Variants in RAB11FIP5 observed in about 807,000 individuals in gnomAD.
RAB11FIP5 encodes RAB11 family interacting protein 5.
In RAB11FIP5, 48 loss-of-function variants were observed where a neutral mutation model predicts 85.1. That is an observed-to-expected ratio of 0.56 (90% CI 0.45 to 0.72). RAB11FIP5 has a LOEUF of 0.72. Ranked by LOEUF, RAB11FIP5 falls within the 30% of genes least tolerant of loss-of-function variation. RAB11FIP5 has a pLI of 0.00. For missense variants in RAB11FIP5, 1,491 were observed against 1,687.0 expected, an observed-to-expected ratio of 0.88 and a Z score of 2.04; for synonymous variants, 729 against 727.3, an observed-to-expected ratio of 1.00 and a Z score of -0.04.
intron 1 of RAB11FIP5, among the ~76,000 whole-genome samples, chr2:73,093,777 G>A (rs1016859175): frequency 6.6e-6 from 1 of 152,184 alleles, no homozygotes; most frequent in African/African-American, 2.4e-5. Context: ...AATCCCTGAC[G>A]CCGATCGCTC....
In RAB11FIP5 at chr2:73,088,954, A is replaced by G. The variant is rs775637400; in HGVS notation, c.793T>C (p.Leu265=). ...TCGGCGCCAGGTCCCTGGTAGGCCA[A>G]GCTCCCGCTGGCTGAGGACAGGGTG... ...DSTLSSASGS[L]AYQGPGAELL... is the part of the protein sequence containing the mutation. The change falls in exon 2 of 6, where the codon TTG becomes CTG. Residue 265 remains leucine, a synonymous_variant. Coordinates refer to ENST00000486777, the MANE Select transcript of RAB11FIP5 (RefSeq NM_001371272.1). 1.2e-6 allele frequency: 2 copies of G among 1,612,826 alleles called. No homozygotes were observed. The highest frequency in any genetic ancestry group is 1.1e-5 in the South Asian group (1 of 90,964).
At chr2:73,091,679 T>C (rs1258821930) in intron 1 of RAB11FIP5, among the ~76,000 whole-genome samples, 2 of 152,200 alleles carry the variant, frequency 1.3e-5, no homozygotes, top group African/African-American at 4.8e-5. Flanking sequence ...ATTTTGATTA[T>C]TTTTTAATGT....
Position 73,086,547 on chromosome 2 carries a change from G to A in RAB11FIP5, c.1568+1503C>T, listed in dbSNP as rs1684092615. ...CAGAAAAGGCCCAGAGACACCGTACGCACAACCACACTGAGCCTGTGCTCT... is the reference window on the plus strand; with the variant it reads ...CAGAAAAGGCCCAGAGACACCGTACACACAACCACACTGAGCCTGTGCTCT... On this transcript the variant is annotated intron_variant, in intron 3 of 5. Transcript: ENST00000486777. The surrounding 1 kb of genome is among the most constrained non-coding windows in gnomAD (Gnocchi z 4.4). 6.6e-6 allele frequency among the ~76,000 whole-genome samples: 1 copy of A among 152,138 alleles called. No individual in the cohort carries two copies. Among genetic ancestry groups the A allele is most frequent in the Non-Finnish European group, 1.5e-5 (1 of 68,032 alleles).
chr2:73,081,722 T>C lies in RAB11FIP5; in HGVS notation c.1569-59A>G. 8.2e-7 allele frequency: 1 copy of C among 1,219,492 alleles called. No homozygotes were observed. The highest frequency in any genetic ancestry group is 1.0e-6 in the Non-Finnish European group (1 of 976,584). The allele number at this position is 1,219,492 out of a possible 1,614,324, so 75.5% of individuals were successfully genotyped here. A position where few individuals can be genotyped will look rare whatever the true frequency, so the allele number is the denominator to read the frequency against. The stretch of plus-strand genomic sequence containing the variant: ...TTAATGCCAAGACTGGAAAGGCCCC[T>C]GAGTCCCACGCCCCACCCCCTGCTT... On this transcript the variant is annotated intron_variant, in intron 3 of 5. Coordinates refer to ENST00000486777, the MANE Select transcript of RAB11FIP5 (RefSeq NM_001371272.1). This position sits in a 1 kb window ranked among gnomAD's most constrained non-coding sequence, Gnocchi z 4.2.
chr2:73,075,881 GA>G lies in RAB11FIP5; in HGVS notation c.3771+111del. 6.8e-7 allele frequency: 1 copy of G among 1,463,038 alleles called. No individual in the cohort carries two copies. The highest frequency in any genetic ancestry group is 1.3e-5 in the South Asian group (1 of 76,946). The allele number at this position is 1,463,038 out of a possible 1,614,324, so 90.6% of individuals were successfully genotyped here. On this transcript the variant is annotated intron_variant, in intron 5 of 5. Coordinates refer to ENST00000486777, the MANE Select transcript of RAB11FIP5 (RefSeq NM_001371272.1). The surrounding 1 kb of genome is among the most constrained non-coding windows in gnomAD (Gnocchi z 4.6). ...AAAGTCAGAGCCTAACTGGCTTCAG[GA>G]CTCTGATATGGGGGACCTGGCCTGC... is the stretch of plus-strand genomic sequence containing the variant.
chr2:73,103,980 T>C (rs192810602), intron 1 of RAB11FIP5, among the ~76,000 whole-genome samples: 2 of 152,266 alleles, frequency 1.3e-5, no homozygotes, highest in Non-Finnish European at 2.9e-5. Context: ...GATGGTCCCC[T>C]CTGCCAAGGT....
intron 1 of RAB11FIP5, 29 bp downstream of exon 1, chr2:73,112,318 G>T (rs1410411722): frequency 1.3e-6 from 2 of 1,545,030 alleles, no homozygotes; most frequent in East Asian, 4.7e-5. Flanking sequence ...GCCTTTAGCC[G>T]TTTCTGTGCC....
At chr2:73,091,864 C>G (rs1684219051) in intron 1 of RAB11FIP5, among the ~76,000 whole-genome samples, 1 of 152,122 alleles carries the variant, frequency 6.6e-6, no homozygotes, top group African/African-American at 2.4e-5. Context: ...ACCTGAGAGA[C>G]AATCCCCTGA....
chr2:73,075,820 G>C lies in RAB11FIP5; in HGVS notation c.3772-96C>G. The C allele has an allele frequency of 6.8e-7, 1 of 1,474,322 alleles. No homozygotes were observed. The highest frequency in any genetic ancestry group is 9.2e-7 in the Non-Finnish European group (1 of 1,081,886). The allele number at this position is 1,474,322 out of a possible 1,614,324, so 91.3% of individuals were successfully genotyped here. ...CGCCCGCCTGCCCACCAACACCTAA[G>C]TTTCACCACCACAGGGCCCCAGGCT... is the stretch of plus-strand genomic sequence containing the variant. On this transcript the variant is annotated intron_variant, in intron 5 of 5. Transcript: ENST00000486777. This position sits in a 1 kb window ranked among gnomAD's most constrained non-coding sequence, Gnocchi z 4.6.
intron 1 of RAB11FIP5, among the ~76,000 whole-genome samples, chr2:73,108,181 G>A (rs1305625097): frequency 6.6e-6 from 1 of 152,194 alleles, no homozygotes; most frequent in Non-Finnish European, 1.5e-5. Flanking sequence ...GGGGCTGAAC[G>A]GAGCCTCTTG....
chr2:73,103,095 G>A (rs73943410), intron 1 of RAB11FIP5, among the ~76,000 whole-genome samples: 6,700 of 152,166 alleles, frequency 0.044, 212 homozygotes, highest in East Asian at 0.13. Context: ...GCCAACCCCT[G>A]CTGTCTCCCC....
chr2:73,099,519 G>A (rs1684388915), intron 1 of RAB11FIP5, among the ~76,000 whole-genome samples: 1 of 152,202 alleles, frequency 6.6e-6, no homozygotes, highest in Non-Finnish European at 1.5e-5. Context: ...TCCAAGCAGA[G>A]GATGGGTGCT....
At position 73,081,330 on chromosome 2, in the gene RAB11FIP5, G is replaced by A; in HGVS notation, c.1902C>T (p.Ser634=). The change falls in exon 4 of 6, where the codon AGC becomes AGT. Residue 634 remains serine (S), a synonymous_variant. Coordinates refer to ENST00000486777, the MANE Select transcript of RAB11FIP5 (RefSeq NM_001371272.1). This position sits in a 1 kb window ranked among gnomAD's most constrained non-coding sequence, Gnocchi z 4.2. ...APSLPSASRA[S]PTPLASPGKA... is the part of the protein sequence containing the mutation. ...TCCCAGGGGAGGCCAGGGGGGTGGG[G>A]CTGGCCCTCGAGGCACTGGGGAGAG... 8.1e-7 allele frequency: 1 copy of A among 1,232,896 alleles called. No homozygotes were observed. The highest frequency in any genetic ancestry group is 4.1e-5 in the South Asian group (1 of 24,348). The allele number at this position is 1,232,896 out of a possible 1,614,324, so 76.4% of individuals were successfully genotyped here.
Position 73,081,495 on chromosome 2 carries a change from G to GGCAGCGGCA in RAB11FIP5, c.1728_1736dup (p.Ala578_Ala580dup). The GGCAGCGGCA allele has an allele frequency of 1.6e-6, 2 of 1,234,590 alleles. No individual in the cohort carries two copies. The highest frequency in any genetic ancestry group is 2.0e-6 in the Non-Finnish European group (2 of 989,630). 76.5% of individuals were successfully genotyped at this position (1,234,590 alleles called of 1,614,324 possible). Reference sequence around the variant, plus strand: ...TGGCTTCAGGGGCGGCGGTGGTGGCGGCAGCGGCAGCAGTGGCAGCAGCGG... The same window carrying GGCAGCGGCA: ...TGGCTTCAGGGGCGGCGGTGGTGGCGGCAGCGGCAGCAGCGGCAGCAGTGGCAGCAGCGG... On this transcript the variant is annotated inframe_insertion, in exon 4 of 6. Transcript: ENST00000486777. The surrounding 1 kb of genome is among the most constrained non-coding windows in gnomAD (Gnocchi z 4.2).
rs773319835 is a variant in RAB11FIP5, at chr2:73,080,172, C to G, written c.3060G>C (p.Gly1020=). Residue 1020 remains glycine, a synonymous_variant, in exon 4 of 6, where the codon GGG becomes GGC. Transcript: ENST00000486777. ...SLALQSQHIW[G]TPEVGEGPEA... The stretch of plus-strand genomic sequence containing the variant: ...CAGGGCCTTCTCCAACCTCTGGAGT[C>G]CCCCAGATGTGCTGACTCTGAAGAG... 2.6e-5 allele frequency: 32 copies of G among 1,232,138 alleles called. No individual in the cohort carries two copies. The highest frequency in any genetic ancestry group is 2.8e-5 in the Non-Finnish European group (28 of 988,028). 76.3% of individuals were successfully genotyped at this position (1,232,138 alleles called of 1,614,324 possible). A position where few individuals can be genotyped will look rare whatever the true frequency, so the allele number is the denominator to read the frequency against.
At chr2:73,087,985 G>A in intron 3 of RAB11FIP5, 65 bp downstream of exon 3, 1 of 1,449,190 alleles carries the variant, frequency 6.9e-7, no homozygotes, top group Non-Finnish European at 9.4e-7. Context: ...CCTGCCCCAG[G>A]GTCCAGGCAG....
intron 1 of RAB11FIP5, among the ~76,000 whole-genome samples, chr2:73,093,614 C>T (rs1434323243): frequency 1.3e-5 from 2 of 152,200 alleles, no homozygotes; most frequent in African/African-American, 4.8e-5. Context: ...CTGACCAGGT[C>T]ACCTCCCTCA....
At chr2:73,083,720 G>A (rs936316366) in intron 3 of RAB11FIP5, among the ~76,000 whole-genome samples, 3 of 152,116 alleles carry the variant, frequency 2.0e-5, no homozygotes, top group Admixed American at 1.3e-4. Flanking sequence ...GGGACCAAGG[G>A]GAGTGAGAAG....
chr2:73,076,055 T>G lies in RAB11FIP5; in HGVS notation c.3709A>C (p.Ser1237Arg), dbSNP rs773903118. ...GGGGCCTGGGTCACAGGCTGAATGCTCCCAGATGTGACTGTTTTGAGCTTC... is the reference window on the plus strand; with the variant it reads ...GGGGCCTGGGTCACAGGCTGAATGCGCCCAGATGTGACTGTTTTGAGCTTC... ...LEKLKTVTSG[S>R]IQPVTQAPQA... Residue 1237 changes from serine to arginine, a missense_variant, in exon 5 of 6, where the codon AGC becomes CGC. Around this residue, in one of 3 missense-constraint regions of RAB11FIP5, gnomAD observed 232 missense variants for 259.1 expected, o/e 0.90. Coordinates refer to ENST00000486777, the MANE Select transcript of RAB11FIP5 (RefSeq NM_001371272.1). 2 of 1,614,124 alleles carry G rather than the reference T, an allele frequency of 1.2e-6. No individual in the cohort carries two copies. Among genetic ancestry groups the G allele is most frequent in the South Asian group, 2.2e-5 (2 of 91,084 alleles).
Sources: allele counts gnomAD v4.1 joint callset (sites outside exome capture counted in the v4.1 genomes callset), GRCh38; gene constraint gnomAD v4.1.1; regional missense constraint gnomAD v4.1.1; non-coding constraint Gnocchi (gnomAD v3.1); transcripts MANE v1.5; gene names NCBI Gene and HGNC (gene_info 2026-07-23, HGNC 2026-07-21).